The following CDH8 variants were observed in gnomAD, a reference collection of about 807,000 sequenced individuals.
CDH8 encodes the protein cadherin 8.
CDH8 carries 17 observed loss-of-function variants against 68.1 expected under a neutral mutation model. The observed-to-expected ratio is 0.25, with a 90% CI of 0.17 to 0.37. The LOEUF is 0.37. Ranked by LOEUF, CDH8 falls within the 10% of genes least tolerant of loss-of-function variation. The pLI is 1.00. For missense variants in CDH8, 763 were observed against 999.3 expected (o/e 0.76, Z 3.19); for synonymous variants, 372 against 365.1 (o/e 1.02, Z -0.21).
At chr16:61,703,344 T>C (rs1388045464) in intron 10 of CDH8, among the ~76,000 whole-genome samples, 1 of 152,192 alleles carries the variant, frequency 6.6e-6, no homozygotes, top group African/African-American at 2.4e-5. Flanking sequence ...TACCTGAACA[T>C]ATTTCCATTT....
At chr16:61,918,857 G>A (rs1319358024) in intron 2 of CDH8, 1 of 151,112 alleles carries the variant, frequency 6.6e-6, no homozygotes, top group Non-Finnish European at 1.5e-5. Flanking sequence ...TCCACCTCTG[G>A]GGGCAGGGCA....
intron 7 of CDH8, among the ~76,000 whole-genome samples, chr16:61,799,235 C>T (rs1010517484): frequency 6.6e-6 from 1 of 152,138 alleles, no homozygotes; most frequent in African/African-American, 2.4e-5. Context: ...GCCTGTCATA[C>T]TTCTCTCCAT....
chr16:61,742,090 A>G (rs947820759), intron 8 of CDH8, among the ~76,000 whole-genome samples: 2 of 152,122 alleles, frequency 1.3e-5, no homozygotes, highest in East Asian at 3.9e-4. Flanking sequence ...TATTCTGTTT[A>G]GAGGCCTTGC....
chr16:61,817,813 A>G (rs1567484355), intron 6 of CDH8, 81 bp from the exon 7 acceptor site: 1 of 1,392,854 alleles, frequency 7.2e-7, no homozygotes, highest in Non-Finnish European at 9.7e-7. Context: ...CTGATGGATG[A>G]AAGTTATGTG....
intron 2 of CDH8, among the ~76,000 whole-genome samples, chr16:61,919,374 G>A (rs1331111294): frequency 2.0e-5 from 3 of 147,576 alleles, no homozygotes; most frequent in African/African-American, 7.5e-5. Context: ...TCCAAGCTAC[G>A]GGAGGACATT....
intron 6 of CDH8, among the ~76,000 whole-genome samples, chr16:61,818,973 G>T (rs1962147534): frequency 7.2e-6 from 1 of 138,606 alleles, no homozygotes; most frequent in Non-Finnish European, 1.5e-5. Flanking sequence ...TAGTAAACCA[G>T]GCAGGCACTC....
intron 4 of CDH8, among the ~76,000 whole-genome samples, chr16:61,837,763 C>T (rs1962598431): frequency 6.6e-6 from 1 of 151,978 alleles, no homozygotes; most frequent in Admixed American, 6.6e-5. Flanking sequence ...GGTCCTTACG[C>T]ACATAGACCA....
At chr16:61,808,222 G>A (rs1053900189) in intron 7 of CDH8, among the ~76,000 whole-genome samples, 1 of 152,100 alleles carries the variant, frequency 6.6e-6, no homozygotes, top group Non-Finnish European at 1.5e-5. Flanking sequence ...AAATGCTACT[G>A]TAATCAAAGA....
intron 2 of CDH8, among the ~76,000 whole-genome samples, chr16:61,959,972 G>GTA (rs1412987373): frequency 0.011 from 558 of 51,808 alleles, 26 homozygotes; most frequent in Admixed American, 0.023. Flanking sequence ...TGTGGTGTAT[G>GTA]TGTGTGTGTG....
intron 2 of CDH8, among the ~76,000 whole-genome samples, chr16:61,977,788 C>T (rs1274916894): frequency 2.0e-5 from 3 of 152,132 alleles, no homozygotes; most frequent in Non-Finnish European, 4.4e-5. Context: ...CCAAACTGTG[C>T]AACCATGGAG....
At chr16:61,837,442 G>A (rs1457827389) in intron 4 of CDH8, among the ~76,000 whole-genome samples, 2 of 152,180 alleles carry the variant, frequency 1.3e-5, no homozygotes, top group Non-Finnish European at 2.9e-5. Context: ...AAAGAAGCGG[G>A]ATGAGCATAC....
intron 6 of CDH8, among the ~76,000 whole-genome samples, chr16:61,819,811 C>T (rs1411056735): frequency 6.6e-6 from 1 of 151,974 alleles, no homozygotes; most frequent in Non-Finnish European, 1.5e-5. Context: ...ATTATTGACT[C>T]CCAATAGTGT....
intron 7 of CDH8, among the ~76,000 whole-genome samples, chr16:61,807,195 C>T (rs980811455): frequency 3.3e-4 from 50 of 150,954 alleles, no homozygotes; most frequent in African/African-American, 1.2e-3. Context: ...AATTGGAAAT[C>T]ATCATTCTCA....
chr16:61,910,338 C>CAAAAAAAAAAAAAA (rs34671955), intron 2 of CDH8, among the ~76,000 whole-genome samples: 1 of 120,814 alleles, frequency 8.3e-6, no homozygotes, highest in Non-Finnish European at 1.9e-5. Context: ...CAAGCAGCCA[C>CAAAAAAAAAAAAAA]AAAAAAAAAA....
chr16:61,722,370 C>G (rs542622408), intron 9 of CDH8, among the ~76,000 whole-genome samples: 1 of 150,710 alleles, frequency 6.6e-6, no homozygotes, highest in African/African-American at 2.4e-5. Context: ...TGTCTAGTTG[C>G]TTGAATATTT....
intron 7 of CDH8, among the ~76,000 whole-genome samples, chr16:61,810,199 A>G (rs1161504127): frequency 2.0e-5 from 3 of 152,158 alleles, no homozygotes; most frequent in Non-Finnish European, 4.4e-5. Flanking sequence ...TTTCTTTCTC[A>G]CTGCTTAATT....
At chr16:61,935,411 G>A (rs1051398231) in intron 2 of CDH8, among the ~76,000 whole-genome samples, 2 of 152,176 alleles carry the variant, frequency 1.3e-5, no homozygotes, top group Non-Finnish European at 2.9e-5. Flanking sequence ...TAGAAATGAT[G>A]AGTAGCAATA....
intron 2 of CDH8, among the ~76,000 whole-genome samples, chr16:61,987,348 A>G (rs1965646209): frequency 1.3e-5 from 2 of 152,008 alleles, no homozygotes; most frequent in Non-Finnish European, 2.9e-5. Flanking sequence ...TACCAAAAAT[A>G]CAAAAAAAAT....
At chr16:61,878,591 C>T (rs17822894) in intron 3 of CDH8, among the ~76,000 whole-genome samples, 3,918 of 151,686 alleles carry the variant, frequency 0.026, 75 homozygotes, top group Admixed American at 0.065. Flanking sequence ...AGTGTTGGTC[C>T]GTAGTAGGAG....
Sources: allele counts gnomAD v4.1 joint callset (sites outside exome capture counted in the v4.1 genomes callset), GRCh38; gene constraint gnomAD v4.1.1; transcripts MANE v1.5; gene names NCBI Gene and HGNC (gene_info 2026-07-23, HGNC 2026-07-21).